Variants in EGFR observed in about 807,000 individuals in gnomAD.
EGFR encodes the protein epidermal growth factor receptor.
A neutral mutation model predicts 143.0 loss-of-function variants in EGFR; 58 were observed. The observed-to-expected ratio is 0.41, with a 90% CI of 0.33 to 0.50. The LOEUF (loss-of-function observed/expected upper bound fraction) is 0.50, where lower values mean the gene tolerates loss of function less well. EGFR is among the 20% of genes least tolerant of loss of function. EGFR has a pLI of 0.39. For missense variants in EGFR, 1,307 were observed against 1,579.0 expected (o/e 0.83, Z 2.92); for synonymous variants, 613 against 594.4 (o/e 1.03, Z -0.45).
At chr7:55,062,088 G>T (rs1789217161) in intron 1 of EGFR, among the ~76,000 whole-genome samples, 1 of 152,192 alleles carries the variant, frequency 6.6e-6, no homozygotes, top group Non-Finnish European at 1.5e-5. Flanking sequence ...TCGATCCCCA[G>T]GAGATAAGTG....
At chr7:55,133,626 T>C (rs1181056288) in intron 1 of EGFR, among the ~76,000 whole-genome samples, 1 of 152,214 alleles carries the variant, frequency 6.6e-6, no homozygotes, top group Non-Finnish European at 1.5e-5. Context: ...GCAATCTCCG[T>C]CATCCCCACG....
chr7:55,070,962 A>G (rs897339540), intron 1 of EGFR, among the ~76,000 whole-genome samples: 1 of 152,244 alleles, frequency 6.6e-6, no homozygotes, highest in Non-Finnish European at 1.5e-5. Context: ...CCATGGCAAC[A>G]TGGGTATACA....
At chr7:55,189,750 G>A (rs1787304635) in intron 20 of EGFR, among the ~76,000 whole-genome samples, 1 of 152,108 alleles carries the variant, frequency 6.6e-6, no homozygotes, top group South Asian at 2.1e-4. Flanking sequence ...ACGAACAAAA[G>A]GTACAAATGT....
intron 27 of EGFR, 134 bp from the exon 28 acceptor site, chr7:55,205,122 A>C: frequency 7.5e-7 from 1 of 1,340,332 alleles, no homozygotes; most frequent in Non-Finnish European, 1.0e-6. Context: ...CAACAGCAAG[A>C]GGGCCCTCCC....
Position 55,160,182 on chromosome 7 carries a change from T to C in EGFR, c.1342T>C (p.Leu448=), listed in dbSNP as rs750541010. 5 of 1,614,092 alleles carry C rather than the reference T, an allele frequency of 3.1e-6. No individual in the cohort carries two copies. The African/African-American group carries it at 4.0e-5, about 13-fold the overall frequency. ...AGTCGTCAGCCTGAACATAACATCC[T>C]TGGGATTACGCTCCCTCAAGGAGAT... is the stretch of plus-strand genomic sequence containing the variant. ...LAVVSLNITS[L]GLRSLKEISD... Residue 448 remains leucine (L), a synonymous_variant, in exon 12 of 28, where the codon TTG becomes CTG. Coordinates refer to ENST00000275493, the MANE Select transcript of EGFR (RefSeq NM_005228.5).
At chr7:55,040,070 G>A (rs1787814394) in intron 1 of EGFR, among the ~76,000 whole-genome samples, 1 of 152,114 alleles carries the variant, frequency 6.6e-6, no homozygotes, top group South Asian at 2.1e-4. Flanking sequence ...AAGCCACTGT[G>A]CTTTGCTGTG....
intron 27 of EGFR, among the ~76,000 whole-genome samples, chr7:55,204,561 A>ACACACATACACACCACACACACAC (rs1465535133): frequency 6.8e-6 from 1 of 146,694 alleles, no homozygotes; most frequent in Non-Finnish European, 1.5e-5. Context: ...CATACACACC[A>ACACACATACACACCACACACACAC]CACACATACA....
chr7:55,114,392 T>C (rs1197900736), intron 1 of EGFR, among the ~76,000 whole-genome samples: 1 of 152,168 alleles, frequency 6.6e-6, no homozygotes, highest in East Asian at 1.9e-4. Context: ...AAGCTGAGGC[T>C]GGAGGATCAC....
At chr7:55,190,631 G>GAGAT (rs1159048848) in intron 20 of EGFR, among the ~76,000 whole-genome samples, 1 of 152,182 alleles carries the variant, frequency 6.6e-6, no homozygotes, top group African/African-American at 2.4e-5. Context: ...GAGCAGGCTA[G>GAGAT]AGATGCCTGT....
At chr7:55,188,315 C>G (rs1787232805) in intron 20 of EGFR, among the ~76,000 whole-genome samples, 1 of 151,986 alleles carries the variant, frequency 6.6e-6, no homozygotes, top group South Asian at 2.1e-4. Flanking sequence ...TGAACTCCTC[C>G]CAAGACTCGT....
At chr7:55,118,703 G>A (rs1157573000) in intron 1 of EGFR, among the ~76,000 whole-genome samples, 1 of 152,018 alleles carries the variant, frequency 6.6e-6, no homozygotes. Context: ...CAGCTCCAGG[G>A]GCCGACAAAG....
chr7:55,142,572 G>C, intron 2 of EGFR, 135 bp downstream of exon 2: 1 of 1,132,020 alleles, frequency 8.8e-7, no homozygotes, highest in Non-Finnish European at 1.3e-6. Context: ...ACAAACGAGA[G>C]TTTTATGAGA....
chr7:55,145,103 C>G (rs1338561075), intron 3 of EGFR, among the ~76,000 whole-genome samples: 1 of 152,188 alleles, frequency 6.6e-6, no homozygotes, highest in African/African-American at 2.4e-5. Context: ...CACCGGGAAG[C>G]GGCTCCTGCA....
chr7:55,168,324 C>G (rs1056107280), intron 15 of EGFR, among the ~76,000 whole-genome samples: 2 of 152,202 alleles, frequency 1.3e-5, no homozygotes, highest in Non-Finnish European at 2.9e-5. Flanking sequence ...ATCAATATCT[C>G]TATATCAGTA....
chr7:55,031,565 G>A (rs1422603725), intron 1 of EGFR, among the ~76,000 whole-genome samples: 1 of 152,208 alleles, frequency 6.6e-6, no homozygotes. Context: ...AGACTTGGGT[G>A]ATTATCTGAG....
In EGFR at chr7:55,146,602, G is replaced by A. The variant is rs181831531; in HGVS notation, c.425-4G>A. On this transcript the variant is annotated splice_polypyrimidine_tract_variant and splice_region_variant and intron_variant, in intron 3 of 27. Transcript: ENST00000275493. ...GTGCTCACCGCAGTTCCATTCTCCCGCAGAAATCCTGCATGGCGCCGTGCG... is the reference window on the plus strand; with the variant it reads ...GTGCTCACCGCAGTTCCATTCTCCCACAGAAATCCTGCATGGCGCCGTGCG... 59 of 1,613,946 alleles carry A rather than the reference G, an allele frequency of 3.7e-5. No individual in the cohort carries two copies. The highest frequency in any genetic ancestry group is 1.3e-4 in the African/African-American group (10 of 74,992).
chr7:55,098,560 C>A (rs969118290), intron 1 of EGFR, among the ~76,000 whole-genome samples: 4 of 151,730 alleles, frequency 2.6e-5, no homozygotes, highest in African/African-American at 4.8e-5. Context: ...AATAAATATA[C>A]CTGTTTACTA....
chr7:55,105,149 G>C lies in EGFR; in HGVS notation c.89-37137G>C, dbSNP rs115765961. On this transcript the variant is annotated intron_variant, in intron 1 of 27. Transcript: ENST00000275493. ...TTAGAGGAGCTTGCGGTTGTTACAT[G>C]TCTGCCTTTATTGCTTATTTTTAGC... is the stretch of plus-strand genomic sequence containing the variant. Among the ~76,000 whole-genome samples, 1,023 of 152,312 alleles carry C rather than the reference G, an allele frequency of 6.7e-3. 14 individuals carry two copies. Among genetic ancestry groups the C allele is most frequent in the African/African-American group, 0.023 (965 of 41,580 alleles).
intron 13 of EGFR, among the ~76,000 whole-genome samples, chr7:55,161,866 T>C (rs1381237294): frequency 3.3e-5 from 5 of 152,218 alleles, no homozygotes; most frequent in Non-Finnish European, 7.3e-5. Flanking sequence ...AATCCAATAA[T>C]TTATAGAATC....
Sources: gnomAD v4.1 joint callset for allele counts (sites outside exome capture counted in the v4.1 genomes callset) on GRCh38, gnomAD v4.1.1 for gene constraint, MANE v1.5 for transcripts, NCBI Gene and HGNC (gene_info 2026-07-23, HGNC 2026-07-21) for gene names.